Variants in PARD3B observed in about 807,000 individuals in gnomAD.
PARD3B encodes partitioning defective 3 homolog B.
Under a neutral mutation model 130.2 loss-of-function variants are expected in PARD3B, and 103 were observed. The ratio of observed to expected loss-of-function variants is 0.79; its 90% confidence interval spans 0.67 to 0.93. The LOEUF (loss-of-function observed/expected upper bound fraction) is 0.93. PARD3B is among the 40% of genes least tolerant of loss of function. The pLI is 0.00. For missense variants in PARD3B, 1,609 were observed against 1,499.2 expected (o/e 1.07, Z -1.21); for synonymous variants, 583 against 553.2 (o/e 1.05, Z -0.76).
At chr2:204,693,674 T>C (rs2037456608) in intron 2 of PARD3B, among the ~76,000 whole-genome samples, 1 of 152,036 alleles carries the variant, frequency 6.6e-6, no homozygotes. Context: ...TTGTAGCCAT[T>C]TAGAGGCCTC....
chr2:204,994,603 G>T (rs1272276826), intron 3 of PARD3B, among the ~76,000 whole-genome samples: 1 of 151,286 alleles, frequency 6.6e-6, no homozygotes, highest in African/African-American at 2.4e-5. Flanking sequence ...GGTCCGCTTG[G>T]TGCAGAGCTG....
At chr2:204,570,033 G>C (rs923517209) in intron 1 of PARD3B, among the ~76,000 whole-genome samples, 10 of 152,166 alleles carry the variant, frequency 6.6e-5, no homozygotes, top group African/African-American at 2.2e-4. Context: ...GACACTCAGA[G>C]TAATGGTTCC....
intron 2 of PARD3B, among the ~76,000 whole-genome samples, chr2:204,761,707 A>C (rs981324910): frequency 1.3e-5 from 2 of 152,132 alleles, no homozygotes; most frequent in African/African-American, 4.8e-5. Context: ...CTTTGCTTAG[A>C]AAGCTTACGT....
chr2:205,058,046 A>G (rs1391006584), intron 4 of PARD3B, among the ~76,000 whole-genome samples: 3 of 151,392 alleles, frequency 2.0e-5, no homozygotes, highest in East Asian at 1.9e-4. Flanking sequence ...GAAACTCTAT[A>G]CTCTTAAACA....
intron 2 of PARD3B, among the ~76,000 whole-genome samples, chr2:204,891,605 G>A (rs1251618233): frequency 6.6e-6 from 1 of 152,124 alleles, no homozygotes. Context: ...TTTATTAAGA[G>A]ATGCTTGCAA....
At chr2:204,751,757 G>A (rs374357454) in intron 2 of PARD3B, among the ~76,000 whole-genome samples, 3 of 152,192 alleles carry the variant, frequency 2.0e-5, no homozygotes, top group African/African-American at 7.2e-5. Flanking sequence ...TGTCATGGAT[G>A]TAGTTGACAA....
At chr2:205,040,285 C>T (rs183118258) in intron 3 of PARD3B, among the ~76,000 whole-genome samples, 173 of 152,228 alleles carry the variant, frequency 1.1e-3, no homozygotes, top group African/African-American at 4.0e-3. Context: ...TATTGGCTAT[C>T]TAAATTAGAA....
intron 20 of PARD3B, among the ~76,000 whole-genome samples, chr2:205,441,434 A>G (rs2047712008): frequency 6.6e-6 from 1 of 152,148 alleles, no homozygotes; most frequent in East Asian, 1.9e-4. Context: ...TTGTTAGGTG[A>G]CCCTTGGAAT....
chr2:205,182,333 C>T (rs1180814006), intron 13 of PARD3B, among the ~76,000 whole-genome samples: 1 of 149,972 alleles, frequency 6.7e-6, no homozygotes, highest in Non-Finnish European at 1.5e-5. Context: ...AGAGAGTCAA[C>T]AAATAAGATA....
At chr2:205,516,091 GATCAGGTGGTC>G (rs1472300561) in intron 21 of PARD3B, among the ~76,000 whole-genome samples, 1 of 152,146 alleles carries the variant, frequency 6.6e-6, no homozygotes, top group Non-Finnish European at 1.5e-5. Flanking sequence ...CTTTATGAAA[GATCAGGTGGTC>G]ATAGGTGTGC....
At position 205,230,144 on chromosome 2, in the gene PARD3B, G is replaced by A. The variant is rs767632225; in HGVS notation, c.2141-15634G>A. 7.9e-5 allele frequency among the ~76,000 whole-genome samples: 12 copies of A among 151,900 alleles called. No homozygotes were observed. The highest frequency in any genetic ancestry group is 1.9e-4 in the East Asian group (1 of 5,132). On this transcript the variant is annotated intron_variant, in intron 15 of 22. Transcript: ENST00000406610. This position sits in a 1 kb window ranked among gnomAD's most constrained non-coding sequence, Gnocchi z 4.1. ...CCCGCTTTGTGCTCTATACCACTACGGCTGAGCTGGTACCTAAGGTGCAAG... is the reference window on the plus strand; with the variant it reads ...CCCGCTTTGTGCTCTATACCACTACAGCTGAGCTGGTACCTAAGGTGCAAG...
chr2:204,640,105 T>A (rs940458085), intron 1 of PARD3B, among the ~76,000 whole-genome samples: 4 of 151,908 alleles, frequency 2.6e-5, no homozygotes, highest in African/African-American at 9.7e-5. Flanking sequence ...AATTAAAAAA[T>A]TAGCTGGATG....
Position 205,432,514 on chromosome 2 carries a change from C to T in PARD3B, c.2742-7856C>T, listed in dbSNP as rs145521071. ...CTGGCCTTGCTGTTTTTAGCACATGCCTGCCTCAGGGGCTTTATATCTGCT... is the reference window on the plus strand; with the variant it reads ...CTGGCCTTGCTGTTTTTAGCACATGTCTGCCTCAGGGGCTTTATATCTGCT... On this transcript the variant is annotated intron_variant, in intron 19 of 22. Transcript: ENST00000406610. 1.2e-4 allele frequency among the ~76,000 whole-genome samples: 19 copies of T among 152,252 alleles called. No individual in the cohort carries two copies. The East Asian group carries it at 3.5e-3, about 28-fold the overall frequency.
At chr2:204,679,369 C>G (rs561204842) in intron 1 of PARD3B, among the ~76,000 whole-genome samples, 1 of 152,124 alleles carries the variant, frequency 6.6e-6, no homozygotes, top group Non-Finnish European at 1.5e-5. Flanking sequence ...GATGTTCATT[C>G]AGCTTTATGG....
intron 4 of PARD3B, among the ~76,000 whole-genome samples, chr2:205,088,516 A>G (rs1310230414): frequency 2.6e-5 from 4 of 152,186 alleles, no homozygotes; most frequent in African/African-American, 7.2e-5. Context: ...GCTCTGTTTT[A>G]AACCATTTGG....
intron 15 of PARD3B, among the ~76,000 whole-genome samples, chr2:205,194,950 A>ATTTTTTTTTTTTT (rs56836818): frequency 1.4e-4 from 16 of 111,212 alleles, no homozygotes; most frequent in African/African-American, 4.3e-4. Context: ...CGCCAGGCTA[A>ATTTTTTTTTTTTT]TTTTTTTTTT....
chr2:205,532,316 G>A (rs2051635210), intron 21 of PARD3B, among the ~76,000 whole-genome samples: 1 of 152,170 alleles, frequency 6.6e-6, no homozygotes, highest in Admixed American at 6.6e-5. Flanking sequence ...TAGTCACCTA[G>A]TCCCATCATT....
intron 3 of PARD3B, among the ~76,000 whole-genome samples, chr2:204,989,778 G>T (rs1693489578): frequency 6.6e-6 from 1 of 151,970 alleles, no homozygotes; most frequent in Admixed American, 6.6e-5. Flanking sequence ...GTTGTTGAAT[G>T]TAGCCCATTA....
intron 22 of PARD3B, among the ~76,000 whole-genome samples, chr2:205,561,444 C>T (rs1023958799): frequency 1.3e-5 from 2 of 152,138 alleles, no homozygotes; most frequent in African/African-American, 4.8e-5. Context: ...AGAGGTTTGA[C>T]TGTCTGGGTC....
Sources: allele counts gnomAD v4.1 joint callset (sites outside exome capture counted in the v4.1 genomes callset), GRCh38; gene constraint gnomAD v4.1.1; non-coding constraint Gnocchi (gnomAD v3.1); transcripts MANE v1.5; gene names NCBI Gene and HGNC (gene_info 2026-07-23, HGNC 2026-07-21).